CNPY1: variants seen among roughly 807,000 people sequenced by gnomAD.
The protein encoded by CNPY1 is canopy FGF signaling regulator 1.
In CNPY1, 14 loss-of-function variants were observed where a neutral mutation model predicts 14.4. The ratio of observed to expected loss-of-function variants is 0.97; its 90% CI spans 0.64 to 1.52. CNPY1 has a LOEUF of 1.52. Ranked by LOEUF, CNPY1 falls within the 40% of genes most tolerant of loss-of-function variation. The pLI, the probability that CNPY1 is intolerant of heterozygous loss-of-function variation, is 0.00. For missense variants in CNPY1, 129 were observed against 131.5 expected (o/e 0.98, Z 0.09); for synonymous variants, 43 against 46.5 (o/e 0.92, Z 0.31).
At chr7:155,524,783 C>G (rs77585270) in intron 2 of CNPY1, among the ~76,000 whole-genome samples, 3 of 148,946 alleles carry the variant, frequency 2.0e-5, no homozygotes, top group East Asian at 2.0e-4. Context: ...CCATCCCCCC[C>G]ACCCTCCCTG....
intron 2 of CNPY1, among the ~76,000 whole-genome samples, chr7:155,537,925 CAAA>C (rs1445117088): frequency 1.3e-5 from 2 of 151,616 alleles, no homozygotes; most frequent in Non-Finnish European, 2.9e-5. Context: ...AACAGATAAA[CAAA>C]AAAAGAAAGA....
intron 2 of CNPY1, among the ~76,000 whole-genome samples, chr7:155,541,242 C>T (rs557022525): frequency 3.3e-5 from 5 of 152,332 alleles, no homozygotes; most frequent in East Asian, 1.9e-4. Context: ...GAGCGGAGCA[C>T]GAGCTCCCAG....
chr7:155,545,412 A>C (rs1797146906), intron 2 of CNPY1, among the ~76,000 whole-genome samples: 1 of 152,188 alleles, frequency 6.6e-6, no homozygotes, highest in Non-Finnish European at 1.5e-5. Context: ...TATTCCAGAA[A>C]GTGCGTCTTA....
chr7:155,542,094 G>C (rs1297688368), intron 2 of CNPY1, among the ~76,000 whole-genome samples: 1 of 152,170 alleles, frequency 6.6e-6, no homozygotes, highest in South Asian at 2.1e-4. Context: ...TGCAGAACAC[G>C]TGCAGTGGGA....
chr7:155,501,474 T>C lies in CNPY1; in HGVS notation c.*1594A>G, dbSNP rs574229015. On this transcript the variant is annotated 3_prime_UTR_variant, in exon 5 of 5. Coordinates refer to ENST00000636446, the MANE Select transcript of CNPY1 (RefSeq NM_001393663.1). ...AGTTTTCACTGAAGCTTACTTAGTG[T>C]CACAGGTCCCGCCATGTTCCTGTGA... 1.3e-5 allele frequency: 2 copies of C among 152,310 alleles called. No homozygotes were observed. The highest frequency in any genetic ancestry group is 4.8e-5 in the African/African-American group (2 of 41,566). 9.4% of individuals were successfully genotyped at this position (152,310 alleles called of 1,614,324 possible).
intron 2 of CNPY1, among the ~76,000 whole-genome samples, chr7:155,520,029 G>C (rs1463378040): frequency 6.6e-6 from 1 of 151,926 alleles, no homozygotes; most frequent in African/African-American, 2.4e-5. Context: ...TTTTCCTGTA[G>C]AATTATTTTT....
rs1352456560 is a variant in CNPY1 at position 155,501,148 on chromosome 7, T to A, written c.*1920A>T. On this transcript the variant is annotated 3_prime_UTR_variant, in exon 5 of 5. Transcript: ENST00000636446. ...TAAAAATTTGCAAGATACAAGACTA[T>A]TTTTAATGGGAAATCCAAGAAAAAA... 1 of 152,184 alleles carries A rather than the reference T, an allele frequency of 6.6e-6. No homozygotes were observed. Among genetic ancestry groups the A allele is most frequent in the African/African-American group, 2.4e-5 (1 of 41,444 alleles). 9.4% of individuals were successfully genotyped at this position (152,184 alleles called of 1,614,324 possible).
chr7:155,520,834 C>T (rs1796707027), intron 2 of CNPY1, among the ~76,000 whole-genome samples: 1 of 152,124 alleles, frequency 6.6e-6, no homozygotes, highest in Admixed American at 6.5e-5. Context: ...GGGTATGAAA[C>T]ATTCCCCTTT....
chr7:155,544,807 G>A (rs1304549716), intron 2 of CNPY1, among the ~76,000 whole-genome samples: 1 of 152,228 alleles, frequency 6.6e-6, no homozygotes, highest in African/African-American at 2.4e-5. Flanking sequence ...ATCCTTGAGT[G>A]TGCCTTTGGG....
intron 4 of CNPY1, 57 bp downstream of exon 4, chr7:155,506,963 T>C: frequency 1.7e-6 from 2 of 1,170,646 alleles, no homozygotes; most frequent in Non-Finnish European, 2.6e-6. Context: ...GCTGCAAGGC[T>C]GAGTGAGAGA....
intron 2 of CNPY1, among the ~76,000 whole-genome samples, chr7:155,537,110 G>T (rs563220797): frequency 5.3e-5 from 8 of 152,126 alleles, no homozygotes; most frequent in African/African-American, 7.2e-5. Flanking sequence ...TTATTACTCC[G>T]CATGCTAACA....
intron 2 of CNPY1, among the ~76,000 whole-genome samples, chr7:155,538,034 G>A (rs1009152746): frequency 5.3e-5 from 8 of 152,162 alleles, no homozygotes; most frequent in African/African-American, 1.4e-4. Context: ...ACACAGACAC[G>A]TAAGAGGGCA....
intron 3 of CNPY1, 73 bp from the exon 4 acceptor site, chr7:155,507,189 A>G: frequency 1.1e-6 from 1 of 910,674 alleles, no homozygotes; most frequent in South Asian, 1.3e-5. Context: ...AGGACTTTGC[A>G]ACAATTTATT....
Position 155,511,596 on chromosome 7 carries a change from G to A in CNPY1, c.100-2499C>T, listed in dbSNP as rs532725450. 3.3e-5 allele frequency among the ~76,000 whole-genome samples: 5 copies of A among 152,312 alleles called. No individual in the cohort carries two copies. In the South Asian group the frequency reaches 1.0e-3, roughly 32 times the overall value. On this transcript the variant is annotated intron_variant, in intron 2 of 4. Transcript: ENST00000636446. ...TTTAACACAAATATGTTATGGCAAG[G>A]TACAAACGTGTGAATTTCTACAATT... is the stretch of plus-strand genomic sequence containing the variant.
At chr7:155,515,085 T>C (rs1796592038) in intron 2 of CNPY1, among the ~76,000 whole-genome samples, 1 of 151,672 alleles carries the variant, frequency 6.6e-6, no homozygotes, top group South Asian at 2.1e-4. Context: ...TGCACACACA[T>C]GGATTATGCA....
At chr7:155,538,626 C>T (rs1159837219) in intron 2 of CNPY1, among the ~76,000 whole-genome samples, 1 of 152,214 alleles carries the variant, frequency 6.6e-6, no homozygotes. Context: ...TTGGTCTAGC[C>T]ACAGGCGTTA....
chr7:155,509,213 TC>T, intron 2 of CNPY1, 116 bp from the exon 3 acceptor site: 1 of 579,152 alleles, frequency 1.7e-6, no homozygotes, highest in Non-Finnish European at 3.0e-6. Context: ...GTGTGCCACT[TC>T]CCTAGCACGG....
chr7:155,544,194 C>T (rs949330367), intron 2 of CNPY1, among the ~76,000 whole-genome samples: 19 of 152,320 alleles, frequency 1.2e-4, no homozygotes, highest in African/African-American at 2.4e-5. Flanking sequence ...GCCCTCCATC[C>T]GCTGTGGGAG....
intron 2 of CNPY1, among the ~76,000 whole-genome samples, chr7:155,516,596 A>G (rs1198300179): frequency 6.6e-6 from 1 of 152,200 alleles, no homozygotes; most frequent in African/African-American, 2.4e-5. Context: ...CCCACACAGA[A>G]GACTGCGACC....
Sources: allele counts gnomAD v4.1 joint callset (sites outside exome capture counted in the v4.1 genomes callset), GRCh38; gene constraint gnomAD v4.1.1; transcripts MANE v1.5; gene names NCBI Gene and HGNC (gene_info 2026-07-23, HGNC 2026-07-21).